The following DIP2C variants were observed in gnomAD, a reference collection of about 807,000 sequenced individuals.
The protein encoded by DIP2C is disco-interacting protein 2 homolog C.
DIP2C carries 33 observed loss-of-function variants against 192.4 expected under a neutral mutation model. The ratio of observed to expected loss-of-function variants is 0.17; its 90% confidence interval spans 0.13 to 0.23. DIP2C has a LOEUF of 0.23. DIP2C is among the 10% of genes least tolerant of loss of function. The pLI is 1.00. For missense variants in DIP2C, 1,537 were observed against 2,110.1 expected, an observed-to-expected ratio of 0.73 and a Z score of 5.32; for synonymous variants, 979 against 864.1, an observed-to-expected ratio of 1.13 and a Z score of -2.33.
At chr10:551,115 A>T (rs966105465) in intron 1 of DIP2C, among the ~76,000 whole-genome samples, 4 of 152,074 alleles carry the variant, frequency 2.6e-5, no homozygotes, top group Non-Finnish European at 5.9e-5. Context: ...CTCTGCCCTC[A>T]CTAGACACTG....
chr10:626,458 A>ACCCTCCGTCCCCCCGTCCCCGGG (rs1564284036), intron 1 of DIP2C, among the ~76,000 whole-genome samples: 43 of 135,652 alleles, frequency 3.2e-4, no homozygotes, highest in African/African-American at 1.3e-3. Flanking sequence ...CCGTCCCCGG[A>ACCCTCCGTCCCCCCGTCCCCGGG]GTTACCCTCC....
rs1199651386 is a variant in DIP2C, at chr10:615,468, T to C, written c.85+74026A>G. On this transcript the variant is annotated intron_variant, in intron 1 of 36. Coordinates refer to ENST00000280886, the MANE Select transcript of DIP2C (RefSeq NM_014974.3). ...ACTTTCGCCACTGAGGAATCAGTCA[T>C]TTACAGTCACTCACCCTCAATGCAG... is the stretch of plus-strand genomic sequence containing the variant. Among the ~76,000 whole-genome samples, 3 of 152,124 alleles carry C rather than the reference T, an allele frequency of 2.0e-5. No homozygotes were observed. The East Asian group carries it at 5.8e-4, about 29-fold the overall frequency.
At chr10:585,586 A>G (rs1254005065) in intron 1 of DIP2C, among the ~76,000 whole-genome samples, 1 of 152,162 alleles carries the variant, frequency 6.6e-6, no homozygotes, top group African/African-American at 2.4e-5. Context: ...GATCCTGGGT[A>G]TAATTTACAT....
chr10:390,717 C>T (rs1963395978), intron 11 of DIP2C, 23 bp downstream of exon 11: 1 of 1,607,414 alleles, frequency 6.2e-7, no homozygotes, highest in South Asian at 1.1e-5. Flanking sequence ...GGCATGCGAG[C>T]TCTCGGAGGC....
At chr10:353,268 C>T (rs1196535314) in intron 24 of DIP2C, among the ~76,000 whole-genome samples, 1 of 151,844 alleles carries the variant, frequency 6.6e-6, no homozygotes, top group Non-Finnish European at 1.5e-5. Context: ...CACATTAAAT[C>T]AAACAACTTG....
At chr10:473,628 C>T (rs778412258) in intron 2 of DIP2C, among the ~76,000 whole-genome samples, 13 of 152,098 alleles carry the variant, frequency 8.5e-5, no homozygotes, top group Admixed American at 2.0e-4. Flanking sequence ...CCCACAGCTC[C>T]GTGAACGGCT....
At chr10:499,970 GGAAGGGGCCCCAACCCTAAGCCCAGC>G (rs1419003490) in intron 1 of DIP2C, among the ~76,000 whole-genome samples, 7 of 152,230 alleles carry the variant, frequency 4.6e-5, no homozygotes, top group African/African-American at 1.7e-4. Context: ...ATGGGACTGG[GGAAGGGGCCCCAACCCTAAGCCCAGC>G]TCTTGCTCGG....
rs138449226 is a variant in DIP2C at position 511,399 on chromosome 10, G to A, written c.86-24869C>T. 8.5e-4 allele frequency among the ~76,000 whole-genome samples: 129 copies of A among 152,320 alleles called. 1 individual carries two copies. The highest frequency in any genetic ancestry group is 3.0e-3 in the African/African-American group (126 of 41,564). ...GTTAAAGGAAAACTTCTGTTACCAG[G>A]CAACCTTAATATCAGATTCAACGTA... On this transcript the variant is annotated intron_variant, in intron 1 of 36. Coordinates refer to ENST00000280886, the MANE Select transcript of DIP2C (RefSeq NM_014974.3).
At chr10:488,512 AACCAC>A (rs1228066551) in intron 1 of DIP2C, among the ~76,000 whole-genome samples, 1 of 152,188 alleles carries the variant, frequency 6.6e-6, no homozygotes, top group Non-Finnish European at 1.5e-5. Context: ...GTCCCATGAA[AACCAC>A]ACCTAGAGTC....
intron 26 of DIP2C, among the ~76,000 whole-genome samples, chr10:346,624 G>A (rs745935256): frequency 6.0e-5 from 8 of 132,814 alleles, no homozygotes; most frequent in Non-Finnish European, 6.2e-5. Context: ...TAGTTCTCCC[G>A]GGAACCCCAC....
intron 14 of DIP2C, 93 bp downstream of exon 14, chr10:387,652 A>G: frequency 1.0e-6 from 1 of 988,346 alleles, no homozygotes; most frequent in Admixed American, 1.8e-5. Flanking sequence ...CTGTGTGGAC[A>G]GACAGTATGG....
At chr10:434,625 T>C (rs1454970064) in intron 4 of DIP2C, among the ~76,000 whole-genome samples, 1 of 152,232 alleles carries the variant, frequency 6.6e-6, no homozygotes, top group African/African-American at 2.4e-5. Flanking sequence ...TACTATTTTC[T>C]CTAAAGAACT....
chr10:582,755 C>G (rs1344197444), intron 1 of DIP2C, among the ~76,000 whole-genome samples: 2 of 152,142 alleles, frequency 1.3e-5, no homozygotes, highest in Non-Finnish European at 2.9e-5. Flanking sequence ...ACCAGCGTGG[C>G]CACGTGGCCG....
At chr10:312,397 T>C (rs1005297363) in intron 31 of DIP2C, among the ~76,000 whole-genome samples, 1 of 152,222 alleles carries the variant, frequency 6.6e-6, no homozygotes, top group Non-Finnish European at 1.5e-5. Flanking sequence ...AGAAGATTTT[T>C]CACAGGCGCC....
intron 32 of DIP2C, among the ~76,000 whole-genome samples, chr10:304,433 C>G (rs1191934126): frequency 6.6e-6 from 1 of 152,124 alleles, no homozygotes; most frequent in East Asian, 1.9e-4. Context: ...GCTCCACAGA[C>G]AGCCCAGCTC....
chr10:527,645 C>G (rs912615284), intron 1 of DIP2C, among the ~76,000 whole-genome samples: 5 of 152,124 alleles, frequency 3.3e-5, no homozygotes, highest in Non-Finnish European at 5.9e-5. Context: ...AGTGGTTACA[C>G]CAGATTGAGA....
At chr10:381,298 CTG>C (rs1962349753) in intron 17 of DIP2C, among the ~76,000 whole-genome samples, 1 of 152,204 alleles carries the variant, frequency 6.6e-6, no homozygotes, top group South Asian at 2.1e-4. Flanking sequence ...CTTAATGAGA[CTG>C]AGTGATGGAG....
At chr10:313,600 C>T (rs1251752494) in intron 31 of DIP2C, among the ~76,000 whole-genome samples, 3 of 152,180 alleles carry the variant, frequency 2.0e-5, no homozygotes, top group Admixed American at 6.5e-5. Context: ...TTAAAGTACA[C>T]GGAGGATGTG....
In DIP2C at chr10:414,051, C is replaced by T. The variant is rs1197166338; in HGVS notation, c.919G>A (p.Gly307Arg). Residue 307 changes from glycine (G) to arginine (R), a missense_variant, in exon 8 of 37, where the codon GGA (glycine) becomes AGA (arginine). Physicochemically the swap from Gly to Arg is moderately radical, Grantham distance 125. This residue lies in a region of DIP2C where 473 missense variants were observed against 539.6 expected (regional missense o/e 0.88). Coordinates refer to ENST00000280886, the MANE Select transcript of DIP2C (RefSeq NM_014974.3). ...TTCGTGACCACGCCCAGCTGCTCTC[C>T]GCGCATGGCCAGCATCTGGGCCCCC... ...PEGAQMLAMRGEQLGVVTNWP... is the reference protein window; with the variant it reads ...PEGAQMLAMRREQLGVVTNWP... The T allele has an allele frequency of 1.2e-6, 2 of 1,613,882 alleles. No individual in the cohort carries two copies. The highest frequency in any genetic ancestry group is 1.7e-6 in the Non-Finnish European group (2 of 1,179,854).
Sources: gnomAD v4.1 joint callset for allele counts (sites outside exome capture counted in the v4.1 genomes callset) on GRCh38, gnomAD v4.1.1 for gene constraint, gnomAD v4.1.1 regional missense constraint, MANE v1.5 for transcripts, NCBI Gene and HGNC (gene_info 2026-07-23, HGNC 2026-07-21) for gene names.